XRRA1: variants seen among roughly 807,000 people sequenced by gnomAD.
XRRA1 encodes the protein X-ray radiation resistance-associated protein 1.
Under a neutral mutation model 80.2 loss-of-function variants are expected in XRRA1, and 69 were observed. That is an observed-to-expected ratio of 0.86 (90% confidence interval 0.71 to 1.05). The LOEUF is 1.05. Among genes scored for constraint, XRRA1 ranks in the 50% least tolerant of loss-of-function variants. XRRA1 has a pLI of 0.00. For synonymous variants in XRRA1, 348 were observed against 389.9 expected (o/e 0.89, Z 1.27); for missense variants, 967 against 976.4 (o/e 0.99, Z 0.13).
chr11:74,864,441 C>T (rs2042958482), intron 10 of XRRA1, among the ~76,000 whole-genome samples: 1 of 152,208 alleles, frequency 6.6e-6, no homozygotes, highest in South Asian at 2.1e-4. Context: ...AGTCTCTCTG[C>T]AGGAGCATCA....
At chr11:74,879,345 C>G (rs1378742831) in intron 10 of XRRA1, among the ~76,000 whole-genome samples, 1 of 152,142 alleles carries the variant, frequency 6.6e-6, no homozygotes, top group African/African-American at 2.4e-5. Flanking sequence ...AGTTGCTTAT[C>G]AGCTTAAGGA....
At chr11:74,941,023 G>A (rs992261106) in intron 2 of XRRA1, 141 bp from the exon 3 acceptor site, 8 of 620,286 alleles carry the variant, frequency 1.3e-5, no homozygotes, top group Non-Finnish European at 2.3e-5. Context: ...AGGCCCCACT[G>A]CCCTTGCTTC....
At chr11:74,861,982 C>T (rs1181391283) in intron 11 of XRRA1, among the ~76,000 whole-genome samples, 5 of 152,318 alleles carry the variant, frequency 3.3e-5, no homozygotes, top group African/African-American at 1.2e-4. Flanking sequence ...CAGGGGTCAG[C>T]GTCAGAATAG....
chr11:74,892,678 G>C (rs964298885), intron 10 of XRRA1, among the ~76,000 whole-genome samples: 1 of 151,996 alleles, frequency 6.6e-6, no homozygotes, highest in Non-Finnish European at 1.5e-5. Flanking sequence ...CTAATATCCA[G>C]AATCTACAAT....
At chr11:74,864,484 G>A (rs1163406520) in intron 10 of XRRA1, among the ~76,000 whole-genome samples, 1 of 152,168 alleles carries the variant, frequency 6.6e-6, no homozygotes, top group East Asian at 1.9e-4. Flanking sequence ...AACCCTGGTG[G>A]ATCCCAAGAC....
At chr11:74,851,704 T>C (rs1373154378) in intron 13 of XRRA1, among the ~76,000 whole-genome samples, 1 of 152,236 alleles carries the variant, frequency 6.6e-6, no homozygotes, top group African/African-American at 2.4e-5. Flanking sequence ...CCATATTCCA[T>C]TCCCAACTCA....
chr11:74,927,156 G>A (rs1298888866), intron 7 of XRRA1, among the ~76,000 whole-genome samples: 11 of 152,106 alleles, frequency 7.2e-5, no homozygotes, highest in Admixed American at 5.2e-4. Flanking sequence ...ATGCACCATG[G>A]TTAAGTCTTT....
At chr11:74,853,355 C>T (rs965021464) in intron 12 of XRRA1, among the ~76,000 whole-genome samples, 6 of 152,198 alleles carry the variant, frequency 3.9e-5, no homozygotes, top group Non-Finnish European at 7.3e-5. Flanking sequence ...CTCTAGCACA[C>T]GGATTTTATC....
In XRRA1 at chr11:74,930,383, G is replaced by C. The variant is rs1591518768; in HGVS notation, c.352-11C>G. 6.5e-7 allele frequency: 1 copy of C among 1,528,926 alleles called. No homozygotes were observed. 94.7% of individuals were successfully genotyped at this position (1,528,926 alleles called of 1,614,324 possible). A position where few individuals can be genotyped will look rare whatever the true frequency, so the allele number is the denominator to read the frequency against. On this transcript the variant is annotated splice_polypyrimidine_tract_variant and intron_variant, in intron 5 of 18. Coordinates refer to ENST00000684022, the MANE Select transcript of XRRA1 (RefSeq NM_001378157.1). ...GTCATTTTCCTTGGCCTGTAGGAAA[G>C]CATTTCAGAAAAAAAAAAAAATCCA...
At chr11:74,871,066 C>G (rs2044670844) in intron 10 of XRRA1, among the ~76,000 whole-genome samples, 1 of 152,166 alleles carries the variant, frequency 6.6e-6, no homozygotes. Context: ...CATTAAAGGG[C>G]CTTGCAAATA....
chr11:74,871,689 C>T (rs377295830), intron 10 of XRRA1, among the ~76,000 whole-genome samples: 206 of 152,218 alleles, frequency 1.4e-3, no homozygotes, highest in African/African-American at 4.8e-3. Context: ...CTCCAAAATT[C>T]CCCACTCCCC....
At position 74,848,579 on chromosome 11, in the gene XRRA1, G is replaced by C. The variant is rs183921413; in HGVS notation, c.1381-117C>G. The C allele has an allele frequency of 1.1e-5, 10 of 884,264 alleles. No homozygotes were observed. In the South Asian group the frequency reaches 1.4e-4, roughly 13 times the overall value. 54.8% of individuals were successfully genotyped at this position (884,264 alleles called of 1,614,324 possible). The stretch of plus-strand genomic sequence containing the variant: ...CGGAGTGCTGGGTACGGACTGAGGC[G>C]GGGGTGGAAAGGGAAATCATACTTG... On this transcript the variant is annotated intron_variant, in intron 14 of 18. Transcript: ENST00000684022.
At position 74,848,304 on chromosome 11, in the gene XRRA1, C is replaced by T; in HGVS notation, c.1539G>A (p.Met513Ile). 6.2e-7 allele frequency: 1 copy of T among 1,613,908 alleles called. No homozygotes were observed. The highest frequency in any genetic ancestry group is 1.1e-5 in the South Asian group (1 of 91,058). The change falls in exon 15 of 19, where the codon ATG (methionine) becomes ATA (isoleucine). Residue 513 changes from methionine (M) to isoleucine (I), a missense_variant. Met to Ile is a conservative substitution (Grantham distance 10, BLOSUM62 1). Transcript: ENST00000684022. ...TTKSTSVESEMPTENLEGHSP... is the reference protein window; with the variant it reads ...TTKSTSVESEIPTENLEGHSP... ...AATGGCCTTCCAGGTTCTCAGTGGG[C>T]ATCTCTGACTCCACAGAAGTGCTTT...
chr11:74,877,463 A>G (rs1445328629), intron 10 of XRRA1, among the ~76,000 whole-genome samples: 7 of 150,948 alleles, frequency 4.6e-5, no homozygotes. Context: ...CTTTTTTTTT[A>G]TTTTTTATTT....
At chr11:74,894,973 A>AT (rs2051880388) in intron 10 of XRRA1, among the ~76,000 whole-genome samples, 2 of 152,222 alleles carry the variant, frequency 1.3e-5, no homozygotes, top group African/African-American at 2.4e-5. Flanking sequence ...ATTAAAACAA[A>AT]TATCAGTAAC....
At chr11:74,884,366 C>A (rs1231070029) in intron 10 of XRRA1, among the ~76,000 whole-genome samples, 1 of 152,142 alleles carries the variant, frequency 6.6e-6, no homozygotes, top group Non-Finnish European at 1.5e-5. Context: ...AAGGAATGGG[C>A]AGTGTGGCAC....
At chr11:74,914,132 C>G (rs1017892773) in intron 8 of XRRA1, among the ~76,000 whole-genome samples, 6 of 152,100 alleles carry the variant, frequency 3.9e-5, no homozygotes, top group Non-Finnish European at 8.8e-5. Context: ...ATTACAGGCG[C>G]CCGCCACCAC....
intron 7 of XRRA1, among the ~76,000 whole-genome samples, chr11:74,926,918 C>T (rs1474254709): frequency 6.6e-6 from 1 of 152,072 alleles, no homozygotes; most frequent in Non-Finnish European, 1.5e-5. Flanking sequence ...GCCACCGAGA[C>T]TGATTCAGCT....
rs533772412 is a variant in XRRA1 at position 74,906,576 on chromosome 11, C to T, written c.786-120G>A. 5.8e-5 allele frequency: 66 copies of T among 1,137,048 alleles called. No homozygotes were observed. The East Asian group carries it at 8.2e-4, about 14-fold the overall frequency. The allele number at this position is 1,137,048 out of a possible 1,614,324, so 70.4% of individuals were successfully genotyped here. On this transcript the variant is annotated intron_variant, in intron 9 of 18. Coordinates refer to ENST00000684022, the MANE Select transcript of XRRA1 (RefSeq NM_001378157.1). ...TTGGATACTTATTCCTCTTGTGTGACGTTGAGCCGGTGACTTACTCTCTCT... is the reference window on the plus strand; with the variant it reads ...TTGGATACTTATTCCTCTTGTGTGATGTTGAGCCGGTGACTTACTCTCTCT...
Sources: gnomAD v4.1 joint callset for allele counts (sites outside exome capture counted in the v4.1 genomes callset) on GRCh38, gnomAD v4.1.1 for gene constraint, MANE v1.5 for transcripts, NCBI Gene and HGNC (gene_info 2026-07-23, HGNC 2026-07-21) for gene names.